Variants in EFEMP2 observed in about 807,000 individuals in gnomAD.
The protein encoded by EFEMP2 is EGF-containing fibulin-like extracellular matrix protein 2.
A neutral mutation model predicts 55.3 loss-of-function variants in EFEMP2; 21 were observed. That is an observed-to-expected ratio of 0.38 (90% CI 0.27 to 0.55). EFEMP2 has a LOEUF of 0.55. Ranked by LOEUF, EFEMP2 falls within the 20% of genes least tolerant of loss-of-function variation. The pLI, the probability that EFEMP2 is intolerant of heterozygous loss-of-function variation, is 0.77. For synonymous variants in EFEMP2, 275 were observed against 242.3 expected (o/e 1.14, Z -1.25); for missense variants, 513 against 615.1 (o/e 0.83, Z 1.76).
rs144256865 is a variant in EFEMP2 at position 65,868,583 on chromosome 11, G to T, written c.774C>A (p.Cys258Ter). ...SYSSYLCQYR[C>*]INEPGRFSCH... ...AGGAGAAACGGCCTGGCTCGTTGAT[G>T]CAGCGGTACTGACAGAGGTAGCTGG... Residue 258 changes from cysteine to a stop codon, truncating the protein, a stop_gained, in exon 8 of 11, where the codon TGC (cysteine) becomes TGA (stop). Coordinates refer to ENST00000307998, the MANE Select transcript of EFEMP2 (RefSeq NM_016938.5). LOFTEE classifies it high-confidence loss of function. The T allele has an allele frequency of 6.2e-7, 1 of 1,613,808 alleles. No individual in the cohort carries two copies. Among genetic ancestry groups the T allele is most frequent in the Non-Finnish European group, 8.5e-7 (1 of 1,180,038 alleles).
rs1330231469 is a variant in EFEMP2, at chr11:65,872,379, C to T, written c.-7-18G>A. ...TCCTGGGGCTGCGAGATGGTGGACA[C>T]GGGTCAGGGGCCTCTGCCCGCGGCA... On this transcript the variant is annotated intron_variant, in intron 1 of 10. Coordinates refer to ENST00000307998, the MANE Select transcript of EFEMP2 (RefSeq NM_016938.5). The T allele has an allele frequency of 7.9e-6, 12 of 1,514,290 alleles. No homozygotes were observed. The highest frequency in any genetic ancestry group is 1.1e-5 in the Non-Finnish European group (12 of 1,114,508). The allele number at this position is 1,514,290 out of a possible 1,614,324, so 93.8% of individuals were successfully genotyped here.
chr11:65,867,604 G>C, intron 10 of EFEMP2: 1 of 534,942 alleles, frequency 1.9e-6, no homozygotes, highest in Non-Finnish European at 3.4e-6. Flanking sequence ...CCCTTGGTTT[G>C]TGGGTGAAGA....
Position 65,869,998 on chromosome 11 carries a change from G to C in EFEMP2, c.608-22C>G, listed in dbSNP as rs200342705. The C allele has an allele frequency of 1.2e-3, 1,978 of 1,613,674 alleles. 4 individuals are homozygous for C. The highest frequency in any genetic ancestry group is 1.6e-3 in the Non-Finnish European group (1,887 of 1,179,894). On this transcript the variant is annotated intron_variant, in intron 6 of 10. Coordinates refer to ENST00000307998, the MANE Select transcript of EFEMP2 (RefSeq NM_016938.5). The stretch of plus-strand genomic sequence containing the variant: ...ACATCTGGGGGTGCCAGGAAAAACA[G>C]GAGGGATGAAAGCGGAGGAGGAGCC...
Position 65,867,986 on chromosome 11 carries a change from T to A in EFEMP2, c.1045A>T (p.Thr349Ser), listed in dbSNP as rs762182573. 6.2e-7 allele frequency: 1 copy of A among 1,614,074 alleles called. No individual in the cohort carries two copies. Among genetic ancestry groups the A allele is most frequent in the Non-Finnish European group, 8.5e-7 (1 of 1,180,026 alleles). Residue 349 changes from threonine (T) to serine (S), a missense_variant, in exon 10 of 11, where the codon ACC (threonine) becomes TCC (serine). Coordinates refer to ENST00000307998, the MANE Select transcript of EFEMP2 (RefSeq NM_016938.5). The part of the protein sequence containing the change: ...QPSSIVHRYM[T>S]ITSERSVPAD... ...GGCACGCTCCGCTCCGAGGTGATGG[T>A]CATGTAGCGGTGCACAATGGATGAA...
chr11:65,868,100 TCCC>T, intron 9 of EFEMP2, 44 bp from the exon 10 acceptor site: 1 of 1,598,884 alleles, frequency 6.3e-7, no homozygotes, highest in Non-Finnish European at 8.5e-7. Flanking sequence ...TCCTTGCCCG[TCCC>T]CCCAATTTCT....
At chr11:65,870,822 G>A in intron 4 of EFEMP2, 164 bp from the exon 5 acceptor site, 1 of 969,444 alleles carries the variant, frequency 1.0e-6, no homozygotes. Flanking sequence ...ACATGTTGGG[G>A]GTTGCACAGG....
At chr11:65,870,698 A>G in intron 4 of EFEMP2, 40 bp from the exon 5 acceptor site, 1 of 1,613,268 alleles carries the variant, frequency 6.2e-7, no homozygotes, top group Non-Finnish European at 8.5e-7. Flanking sequence ...GGGATCCCGC[A>G]CACCACCCAA....
chr11:65,871,094 G>T, intron 4 of EFEMP2, 63 bp downstream of exon 4: 1 of 1,581,034 alleles, frequency 6.3e-7, no homozygotes, highest in East Asian at 2.2e-5. Context: ...GGAACATGAG[G>T]TCTGAGTTTA....
chr11:65,867,655 T>C, intron 10 of EFEMP2: 1 of 633,398 alleles, frequency 1.6e-6, no homozygotes, highest in East Asian at 2.8e-5. Context: ...GGACTCAAAC[T>C]CCCGTGTCCG....
Position 65,866,689 on chromosome 11 carries a change from T to A in EFEMP2, c.*229A>T, listed in dbSNP as rs1184498676. 1.4e-6 allele frequency: 1 copy of A among 708,026 alleles called. No homozygotes were observed. The highest frequency in any genetic ancestry group is 2.0e-5 in the Admixed American group (1 of 49,964). The allele number at this position is 708,026 out of a possible 1,614,324, so 43.9% of individuals were successfully genotyped here. On this transcript the variant is annotated 3_prime_UTR_variant, in exon 11 of 11. Coordinates refer to ENST00000307998, the MANE Select transcript of EFEMP2 (RefSeq NM_016938.5). Reference sequence around the variant, plus strand: ...AAGCTCGTGGTGCAGAGCTCCCAGCTCCTGTCAATGGGGGCCCCTGGGCCT... The same window carrying A: ...AAGCTCGTGGTGCAGAGCTCCCAGCACCTGTCAATGGGGGCCCCTGGGCCT...
rs766995796 is a variant in EFEMP2 at position 65,866,970 on chromosome 11, C to G, written c.1280G>C (p.Arg427Pro). 8 of 1,614,164 alleles carry G rather than the reference C, an allele frequency of 5.0e-6. No homozygotes were observed. The highest frequency in any genetic ancestry group is 6.8e-6 in the Non-Finnish European group (8 of 1,180,028). ...GGTGAGCCTCAGTACAGAGCTGGCC[C>G]GGTAGCTCATGAGGGAATTCATGGT... The part of the protein sequence containing the change: ...MVTMNSLMSY[R>P]ASSVLRLTVF... The change falls in exon 11 of 11, where the codon CGG becomes CCG. Residue 427 changes from arginine to proline, a missense_variant. By Grantham distance (103) the Arg-to-Pro change is moderately radical. Transcript: ENST00000307998.
Position 65,871,336 on chromosome 11 carries a change from T to C in EFEMP2, c.188A>G (p.Glu63Gly). ...RDVNECLTIP[E>G]ACKGEMKCIN... ...GCACTTCATTTCCCCCTTGCAGGCC[T>C]CAGGGATGGTCAGACACTCGTTGAC... Residue 63 changes from glutamate to glycine, a missense_variant, in exon 4 of 11, where the codon GAG (glutamate) becomes GGG (glycine). Physicochemically the swap from Glu to Gly is moderately conservative, Grantham distance 98. Coordinates refer to ENST00000307998, the MANE Select transcript of EFEMP2 (RefSeq NM_016938.5). 1 of 1,614,134 alleles carries C rather than the reference T, an allele frequency of 6.2e-7. No homozygotes were observed. The highest frequency in any genetic ancestry group is 8.5e-7 in the Non-Finnish European group (1 of 1,180,000).
At chr11:65,872,589 C>T (rs1432243800) in intron 1 of EFEMP2, 94 bp downstream of exon 1, 1 of 343,824 alleles carries the variant, frequency 2.9e-6, no homozygotes, top group Non-Finnish European at 5.2e-6. Flanking sequence ...CGGCGAAGGC[C>T]GAGGAGCGCG....
At chr11:65,870,813 C>T in intron 4 of EFEMP2, 155 bp from the exon 5 acceptor site, 3 of 1,055,734 alleles carry the variant, frequency 2.8e-6, no homozygotes, top group Non-Finnish European at 4.2e-6. Context: ...TCTAAAACCA[C>T]ATGTTGGGGG....
At position 65,868,328 on chromosome 11, in the gene EFEMP2, C is replaced by T. The variant is rs760501413; in HGVS notation, c.941G>A (p.Arg314His). 9.3e-6 allele frequency: 15 copies of T among 1,613,700 alleles called. No individual in the cohort carries two copies. The African/African-American group carries it at 9.3e-5, about 10-fold the overall frequency. Residue 314 changes from arginine to histidine, a missense_variant, in exon 9 of 11, where the codon CGC (arginine) becomes CAC (histidine). Transcript: ENST00000307998. ...HGGYRCVDTN[R>H]CVEPYIQVSE... ...GACCTGGATGTAGGGCTCCACGCAG[C>T]GGTTGGTGTCCACGCAGCGGTAGCC...
Position 65,868,346 on chromosome 11 carries a change from C to A in EFEMP2, c.923G>T (p.Arg308Leu). 6.2e-7 allele frequency: 1 copy of A among 1,613,890 alleles called. No individual in the cohort carries two copies. Among genetic ancestry groups the A allele is most frequent in the Non-Finnish European group, 8.5e-7 (1 of 1,180,024 alleles). ...QTCVNFHGGY[R>L]CVDTNRCVEP... The stretch of plus-strand genomic sequence containing the variant: ...CACGCAGCGGTTGGTGTCCACGCAG[C>A]GGTAGCCCCCATGGAAGTTGACACA... The change falls in exon 9 of 11, where the codon CGC becomes CTC. Residue 308 changes from arginine to leucine, a missense_variant. Physicochemically the swap from Arg to Leu is moderately radical, Grantham distance 102 (BLOSUM62 -2). Coordinates refer to ENST00000307998, the MANE Select transcript of EFEMP2 (RefSeq NM_016938.5).
rs781700061 is a variant in EFEMP2, at chr11:65,868,347, G to A, written c.922C>T (p.Arg308Cys). The change falls in exon 9 of 11, where the codon CGC (arginine) becomes TGC (cysteine). Residue 308 changes from arginine (R) to cysteine (C), a missense_variant. By Grantham distance (180) the Arg-to-Cys change is radical. Coordinates refer to ENST00000307998, the MANE Select transcript of EFEMP2 (RefSeq NM_016938.5). ...ACGCAGCGGTTGGTGTCCACGCAGC[G>A]GTAGCCCCCATGGAAGTTGACACAG... Reference protein sequence around the residue: ...QTCVNFHGGYRCVDTNRCVEP... With the variant: ...QTCVNFHGGYCCVDTNRCVEP... 102 of 1,613,730 alleles carry A rather than the reference G, an allele frequency of 6.3e-5. No individual in the cohort carries two copies. The highest frequency in any genetic ancestry group is 7.5e-5 in the Non-Finnish European group (89 of 1,180,034).
chr11:65,868,522 G>A lies in EFEMP2; in HGVS notation c.835C>T (p.Arg279Cys), dbSNP rs119489102. ...CPQGYQLLAT[R>C]LCQDIDECES... Reference sequence around the variant, plus strand: ...GGGCAACCTGTACCTTGGCAGAGGCGTGTGGCCAGCAGCTGGTAACCCTGT... The same window carrying A: ...GGGCAACCTGTACCTTGGCAGAGGCATGTGGCCAGCAGCTGGTAACCCTGT... The change falls in exon 8 of 11, where the codon CGC (arginine) becomes TGC (cysteine). Residue 279 changes from arginine to cysteine, a missense_variant. Physicochemically the swap from Arg to Cys is radical, Grantham distance 180. Coordinates refer to ENST00000307998, the MANE Select transcript of EFEMP2 (RefSeq NM_016938.5). The A allele has an allele frequency of 2.5e-6, 4 of 1,614,024 alleles. No individual in the cohort carries two copies. The highest frequency in any genetic ancestry group is 2.2e-5 in the East Asian group (1 of 44,882).
rs1859988340 is a variant in EFEMP2 at position 65,872,710 on chromosome 11, C to T, written c.-35G>A. 1 of 353,068 alleles carries T rather than the reference C, an allele frequency of 2.8e-6. No individual in the cohort carries two copies. Among genetic ancestry groups the T allele is most frequent in the Non-Finnish European group, 5.7e-6 (1 of 175,060 alleles). 21.9% of individuals were successfully genotyped at this position (353,068 alleles called of 1,614,324 possible). A position where few individuals can be genotyped will look rare whatever the true frequency, so the allele number is the denominator to read the frequency against. Reference sequence around the variant, plus strand: ...GGGCCCGCGACACCCCCGCGGCCCGCGGCTCTGGCGGCTCGGCTGGCTCGG... The same window carrying T: ...GGGCCCGCGACACCCCCGCGGCCCGTGGCTCTGGCGGCTCGGCTGGCTCGG... On this transcript the variant is annotated 5_prime_UTR_variant, in exon 1 of 11. Transcript: ENST00000307998.
Sources: gnomAD v4.1 joint callset for allele counts on GRCh38, gnomAD v4.1.1 for gene constraint, MANE v1.5 for transcripts, NCBI Gene and HGNC (gene_info 2026-07-23, HGNC 2026-07-21) for gene names.